GNA12: variants seen among roughly 807,000 people sequenced by gnomAD.
GNA12 encodes G protein subunit alpha 12.
A neutral mutation model predicts 26.0 loss-of-function variants in GNA12; 9 were observed. The ratio of observed to expected loss-of-function variants is 0.35; its 90% CI spans 0.21 to 0.60. GNA12 has a LOEUF of 0.60. Ranked by LOEUF, GNA12 falls within the 20% of genes least tolerant of loss-of-function variation. The pLI is 0.78. For synonymous variants in GNA12, 264 were observed against 219.6 expected (o/e 1.20, Z -1.79); for missense variants, 405 against 525.8 (o/e 0.77, Z 2.25).
intron 2 of GNA12, among the ~76,000 whole-genome samples, chr7:2,778,223 A>T (rs1302765096): frequency 3.9e-5 from 6 of 152,242 alleles, no homozygotes; most frequent in Non-Finnish European, 7.3e-5. Flanking sequence ...AAAAGAAAAA[A>T]GTCATAACAA....
chr7:2,793,727 T>A (rs1389790914), intron 2 of GNA12, among the ~76,000 whole-genome samples: 1 of 151,318 alleles, frequency 6.6e-6, no homozygotes, highest in Non-Finnish European at 1.5e-5. Flanking sequence ...CACTAAAAAA[T>A]ATAAAAATTA....
intron 2 of GNA12, among the ~76,000 whole-genome samples, chr7:2,780,855 C>T (rs1186898634): frequency 6.6e-6 from 1 of 152,184 alleles, no homozygotes; most frequent in Non-Finnish European, 1.5e-5. Context: ...ACATACATGG[C>T]TTTTCATACC....
At chr7:2,775,894 G>A (rs947293918) in intron 2 of GNA12, among the ~76,000 whole-genome samples, 7 of 152,156 alleles carry the variant, frequency 4.6e-5, no homozygotes, top group South Asian at 4.1e-4. Context: ...GCCCAGACCC[G>A]TACTGTGGAA....
chr7:2,759,760 C>A (rs527656494), intron 2 of GNA12, among the ~76,000 whole-genome samples: 20 of 152,286 alleles, frequency 1.3e-4, no homozygotes, highest in Admixed American at 6.5e-4. Flanking sequence ...AGAGAAAAAA[C>A]ACAGACTGAA....
intron 1 of GNA12, among the ~76,000 whole-genome samples, chr7:2,827,896 C>T (rs1387760633): frequency 1.3e-5 from 2 of 151,538 alleles, no homozygotes; most frequent in Non-Finnish European, 2.9e-5. Flanking sequence ...TTGAAACATT[C>T]TCCCTACCCC....
At chr7:2,742,080 G>A (rs1790535165) in intron 2 of GNA12, among the ~76,000 whole-genome samples, 3 of 151,726 alleles carry the variant, frequency 2.0e-5, no homozygotes, top group South Asian at 4.2e-4. Flanking sequence ...AGAGTGCAGT[G>A]GGGCGATCTC....
chr7:2,739,872 C>G (rs146679860), intron 2 of GNA12, among the ~76,000 whole-genome samples: 1 of 152,062 alleles, frequency 6.6e-6, no homozygotes, highest in Admixed American at 6.6e-5. Context: ...GGGGTTTCAC[C>G]GTGTTGGCCA....
In GNA12 at chr7:2,762,913, C is replaced by T. The variant is rs1281824947; in HGVS notation, c.526-29412G>A. 4 of 1,416,150 alleles carry T rather than the reference C, an allele frequency of 2.8e-6. No individual in the cohort carries two copies. The Admixed American group carries it at 9.3e-5, about 33-fold the overall frequency. The allele number at this position is 1,416,150 out of a possible 1,614,324, so 87.7% of individuals were successfully genotyped here. The stretch of plus-strand genomic sequence containing the variant: ...TTGGTGCTGCGGCGGGGAGAAGAGG[C>T]CACAGGCGGGGACGCCCCAGACACT... On this transcript the variant is annotated intron_variant, in intron 2 of 3. Transcript: ENST00000275364.
chr7:2,811,157 G>T (rs1204042687), intron 1 of GNA12, among the ~76,000 whole-genome samples: 1 of 152,208 alleles, frequency 6.6e-6, no homozygotes, highest in African/African-American at 2.4e-5. Flanking sequence ...GAGCCCCCAG[G>T]CTGTGCACAC....
At chr7:2,841,676 G>C (rs1778991822) in intron 1 of GNA12, among the ~76,000 whole-genome samples, 1 of 152,182 alleles carries the variant, frequency 6.6e-6, no homozygotes, top group Non-Finnish European at 1.5e-5. Flanking sequence ...ATTTCCATGA[G>C]AAGTATGTCA....
chr7:2,827,553 G>A (rs1449184473), intron 1 of GNA12, among the ~76,000 whole-genome samples: 1 of 152,162 alleles, frequency 6.6e-6, no homozygotes, highest in East Asian at 1.9e-4. Context: ...CTGACTGGAA[G>A]GGAACCACAG....
In GNA12 at chr7:2,786,061, C is replaced by T. The variant is rs118099785; in HGVS notation, c.525+8867G>A. ...CAGCCTGGGTGACACAGCGAGATTC[C>T]GTTTAAAAAGAAGGTACACTGGAAA... On this transcript the variant is annotated intron_variant, in intron 2 of 3. Transcript: ENST00000275364. Among the ~76,000 whole-genome samples, 154 of 152,228 alleles carry T rather than the reference C, an allele frequency of 1.0e-3. 2 individuals are homozygous for T. In the East Asian group the frequency reaches 0.028, roughly 28 times the overall value.
intron 2 of GNA12, among the ~76,000 whole-genome samples, chr7:2,780,840 C>T (rs1291655394): frequency 6.6e-6 from 1 of 152,128 alleles, no homozygotes; most frequent in Non-Finnish European, 1.5e-5. Context: ...ATGCTATGAA[C>T]ATTTACATAC....
At chr7:2,736,125 A>C (rs2115303143) in intron 2 of GNA12, among the ~76,000 whole-genome samples, 1 of 152,324 alleles carries the variant, frequency 6.6e-6, no homozygotes, top group Middle Eastern at 3.4e-3. Flanking sequence ...TGCATTTTCA[A>C]CACTAAGAGA....
chr7:2,809,867 TA>T (rs1459583602), intron 1 of GNA12, among the ~76,000 whole-genome samples: 1 of 152,216 alleles, frequency 6.6e-6, no homozygotes, highest in African/African-American at 2.4e-5. Flanking sequence ...TTGTTAGTAA[TA>T]AATATTACTT....
rs941066089 is a variant in GNA12, at chr7:2,839,405, A to G, written c.309+4448T>C. 4.0e-5 allele frequency among the ~76,000 whole-genome samples: 6 copies of G among 151,898 alleles called. No individual in the cohort carries two copies. The East Asian group carries it at 1.2e-3, about 29-fold the overall frequency. ...CCCGGCTAATTTGTTTGTTTTTGAA[A>G]TGGAGTCTTGCTCTGTCGCCCAGGC... On this transcript the variant is annotated intron_variant, in intron 1 of 3. Transcript: ENST00000275364.
At chr7:2,814,328 G>T in intron 1 of GNA12, 1 of 1,582,938 alleles carries the variant, frequency 6.3e-7, no homozygotes, top group Non-Finnish European at 8.7e-7. Context: ...CCCAGGGTGT[G>T]CAATGAGTAG....
chr7:2,840,588 G>T (rs1457140397), intron 1 of GNA12, among the ~76,000 whole-genome samples: 1 of 152,198 alleles, frequency 6.6e-6, no homozygotes, highest in African/African-American at 2.4e-5. Flanking sequence ...GCCAAGTTTA[G>T]TATTTCACAC....
intron 2 of GNA12, chr7:2,794,641 A>G (rs569361186): frequency 4.9e-6 from 2 of 406,032 alleles, no homozygotes; most frequent in Non-Finnish European, 8.9e-6. Flanking sequence ...CTCTAAAAAA[A>G]ACTAAATTTC....
Sources: allele counts gnomAD v4.1 joint callset (sites outside exome capture counted in the v4.1 genomes callset), GRCh38; gene constraint gnomAD v4.1.1; transcripts MANE v1.5; gene names NCBI Gene and HGNC (gene_info 2026-07-23, HGNC 2026-07-21).